The following ADARB1 variants were observed in gnomAD, a reference collection of about 807,000 sequenced individuals.
The protein encoded by ADARB1 is double-stranded RNA-specific editase 1.
Under a neutral mutation model 52.4 loss-of-function variants are expected in ADARB1, and 10 were observed. That is an observed-to-expected ratio of 0.19 (90% CI 0.12 to 0.32). The LOEUF (loss-of-function observed/expected upper bound fraction) is 0.32. ADARB1 is among the 10% of genes least tolerant of loss of function. The pLI is 1.00. For synonymous variants in ADARB1, 349 were observed against 371.1 expected, an observed-to-expected ratio of 0.94 and a Z score of 0.68; for missense variants, 643 against 922.3, an observed-to-expected ratio of 0.70 and a Z score of 3.92.
chr21:45,196,517 C>G (rs1252256808), intron 8 of ADARB1, among the ~76,000 whole-genome samples: 1 of 152,178 alleles, frequency 6.6e-6, no homozygotes, highest in Non-Finnish European at 1.5e-5. Flanking sequence ...AAAATTACTT[C>G]TTTCAAAAAG....
intron 1 of ADARB1, among the ~76,000 whole-genome samples, chr21:45,106,128 A>C (rs1334176220): frequency 2.9e-4 from 42 of 146,790 alleles, no homozygotes; most frequent in Admixed American, 2.8e-3. Context: ...CATCCACAGC[A>C]GTATTCCTTT....
At chr21:45,150,330 C>G (rs1039630565) in intron 2 of ADARB1, among the ~76,000 whole-genome samples, 3 of 151,784 alleles carry the variant, frequency 2.0e-5, no homozygotes, top group Admixed American at 6.6e-5. Flanking sequence ...ATTTGAATAT[C>G]TTTCTATCAA....
chr21:45,212,195 T>G (rs1038698997), intron 9 of ADARB1, among the ~76,000 whole-genome samples: 1 of 152,228 alleles, frequency 6.6e-6, no homozygotes, highest in Admixed American at 6.5e-5. Flanking sequence ...CATTTGTTTA[T>G]GAAAGATTCA....
At chr21:45,097,085 G>A (rs530021842) in intron 1 of ADARB1, among the ~76,000 whole-genome samples, 16 of 152,224 alleles carry the variant, frequency 1.1e-4, no homozygotes, top group African/African-American at 3.4e-4. Context: ...CTTCAAGTCC[G>A]GTTTCTTTTT....
chr21:45,106,107 C>T (rs965291884), intron 1 of ADARB1, among the ~76,000 whole-genome samples: 6 of 151,274 alleles, frequency 4.0e-5, no homozygotes, highest in Non-Finnish European at 7.4e-5. Flanking sequence ...TAGCTGTTTG[C>T]TTTGTTTTCT....
rs2093048799 is a variant in ADARB1, at chr21:45,225,641, C to T, written c.*3444C>T. On this transcript the variant is annotated 3_prime_UTR_variant, in exon 11 of 11. Transcript: ENST00000348831. Reference sequence around the variant, plus strand: ...TGGAGACTGCACATCCGGACCTGCCCATGTCTCAAAACAAACACATGTACA... The same window carrying T: ...TGGAGACTGCACATCCGGACCTGCCTATGTCTCAAAACAAACACATGTACA... 2 of 1,180,406 alleles carry T rather than the reference C, an allele frequency of 1.7e-6. No individual in the cohort carries two copies. The highest frequency in any genetic ancestry group is 3.1e-5 in the African/African-American group (2 of 63,668). The allele number at this position is 1,180,406 out of a possible 1,614,324, so 73.1% of individuals were successfully genotyped here.
At chr21:45,124,440 T>C (rs2088427119) in intron 1 of ADARB1, among the ~76,000 whole-genome samples, 1 of 152,158 alleles carries the variant, frequency 6.6e-6, no homozygotes, top group African/African-American at 2.4e-5. Context: ...GATGGTGCAA[T>C]TTCGGCTCAC....
intron 2 of ADARB1, chr21:45,152,495 G>A (rs979525483): frequency 4.0e-6 from 1 of 248,736 alleles, no homozygotes; most frequent in East Asian, 1.3e-4. Flanking sequence ...CGTCGGTAGG[G>A]GCTGCTGTTG....
At chr21:45,091,203 C>T (rs1317791574) in intron 1 of ADARB1, among the ~76,000 whole-genome samples, 1 of 152,222 alleles carries the variant, frequency 6.6e-6, no homozygotes, top group Non-Finnish European at 1.5e-5. Context: ...CCGTCCTTGC[C>T]AATTTTCCCC....
At chr21:45,139,882 G>T (rs1403898101) in intron 2 of ADARB1, among the ~76,000 whole-genome samples, 1 of 139,588 alleles carries the variant, frequency 7.2e-6, no homozygotes, top group Non-Finnish European at 1.6e-5. Context: ...GGGATCTCTT[G>T]ATTTTTTTAA....
intron 1 of ADARB1, among the ~76,000 whole-genome samples, chr21:45,119,984 A>G (rs2088067150): frequency 6.6e-6 from 1 of 152,268 alleles, no homozygotes; most frequent in Non-Finnish European, 1.5e-5. Context: ...ACGTGGGCGC[A>G]TTACCAAGCT....
rs991530538 is a variant in ADARB1, at chr21:45,208,749, C to T, written c.1747+4013C>T. ...GAGAGAGTGTGTGTGTGTGTGTATG[C>T]GTATTCTCCAGGTAAGAGCAGGCAC... On this transcript the variant is annotated intron_variant, in intron 9 of 10. Coordinates refer to ENST00000348831, the MANE Select transcript of ADARB1 (RefSeq NM_001112.4). This position sits in a 1 kb window ranked among gnomAD's most constrained non-coding sequence, Gnocchi z 5.6. 1.6e-4 allele frequency among the ~76,000 whole-genome samples: 24 copies of T among 151,730 alleles called. No homozygotes were observed. Among genetic ancestry groups the T allele is most frequent in the Non-Finnish European group, 2.4e-4 (16 of 67,908 alleles).
At chr21:45,218,310 G>A (rs73907278) in intron 9 of ADARB1, among the ~76,000 whole-genome samples, 3,178 of 151,818 alleles carry the variant, frequency 0.021, 111 homozygotes, top group African/African-American at 0.071. Flanking sequence ...TTTCTTCTGC[G>A]GTTTCTATTC....
rs1404354658 is a variant in ADARB1, at chr21:45,208,679, AGTGTGTGTGCAT to A, written c.1747+3955_1747+3966del. ...GTGTGCATGAGTGCGTGTGTGTATG[AGTGTGTGTGCAT>A]GTGTGTGTGCACGCTCACATGAGTG... On this transcript the variant is annotated intron_variant, in intron 9 of 10. Coordinates refer to ENST00000348831, the MANE Select transcript of ADARB1 (RefSeq NM_001112.4). The surrounding 1 kb of genome is among the most constrained non-coding windows in gnomAD (Gnocchi z 5.6). 6.6e-6 allele frequency among the ~76,000 whole-genome samples: 1 copy of A among 150,860 alleles called. No homozygotes were observed. Among genetic ancestry groups the A allele is most frequent in the Non-Finnish European group, 1.5e-5 (1 of 67,654 alleles).
chr21:45,222,959 A>G lies in ADARB1; in HGVS notation c.*762A>G. 2.0e-6 allele frequency: 2 copies of G among 985,500 alleles called. No homozygotes were observed. Among genetic ancestry groups the G allele is most frequent in the South Asian group, 4.7e-5 (1 of 21,292 alleles). 61.0% of individuals were successfully genotyped at this position (985,500 alleles called of 1,614,324 possible). Reference sequence around the variant, plus strand: ...TCTGTACTCCTTGTAGGATCAGATCATGGAAAACTTTTCTCAGTTTACTTC... The same window carrying G: ...TCTGTACTCCTTGTAGGATCAGATCGTGGAAAACTTTTCTCAGTTTACTTC... On this transcript the variant is annotated 3_prime_UTR_variant, in exon 11 of 11. Coordinates refer to ENST00000348831, the MANE Select transcript of ADARB1 (RefSeq NM_001112.4).
intron 1 of ADARB1, among the ~76,000 whole-genome samples, chr21:45,077,565 G>GCTACTTTC (rs2085990964): frequency 6.6e-6 from 1 of 152,216 alleles, no homozygotes; most frequent in South Asian, 2.1e-4. Flanking sequence ...TACTTGGGAG[G>GCTACTTTC]CTGAGGCAGG....
At chr21:45,133,617 T>A (rs2089093802) in intron 2 of ADARB1, 1 of 227,870 alleles carries the variant, frequency 4.4e-6, no homozygotes, top group Non-Finnish European at 8.8e-6. Context: ...GGCAGGATGC[T>A]AACACTGCAC....
chr21:45,203,913 T>TATAA (rs2092614597), intron 8 of ADARB1, among the ~76,000 whole-genome samples: 2 of 152,212 alleles, frequency 1.3e-5, no homozygotes, highest in Admixed American at 6.5e-5. Flanking sequence ...TGTAAGTACC[T>TATAA]TCCTATATAA....
In ADARB1 at chr21:45,176,138, C is replaced by G. The variant is rs1221379063; in HGVS notation, c.437C>G (p.Pro146Arg). Residue 146 changes from proline to arginine, a missense_variant, in exon 4 of 11, where the codon CCT becomes CGT. Physicochemically the swap from Pro to Arg is moderately radical, Grantham distance 103 (BLOSUM62 -2). Transcript: ENST00000348831. The surrounding 1 kb of genome is among the most constrained non-coding windows in gnomAD (Gnocchi z 5.8). ...GCCTTGAGGTCTTTCGTTCAGTTTC[C>G]TAATGCCTCTGAGGCCCACCTGGCC... ...EKALRSFVQF[P>R]NASEAHLAMG... 2 of 1,614,044 alleles carry G rather than the reference C, an allele frequency of 1.2e-6. No individual in the cohort carries two copies. Among genetic ancestry groups the G allele is most frequent in the Non-Finnish European group, 1.7e-6 (2 of 1,180,034 alleles).
Sources: gnomAD v4.1 joint callset for allele counts (sites outside exome capture counted in the v4.1 genomes callset) on GRCh38, gnomAD v4.1.1 for gene constraint, Gnocchi (gnomAD v3.1) non-coding constraint, MANE v1.5 for transcripts, NCBI Gene and HGNC (gene_info 2026-07-23, HGNC 2026-07-21) for gene names.